The following ITGAX variants were observed in gnomAD, a reference collection of about 807,000 sequenced individuals.
ITGAX encodes the protein integrin subunit alpha X.
A neutral mutation model predicts 140.2 loss-of-function variants in ITGAX; 99 were observed. The observed-to-expected ratio is 0.71, with a 90% confidence interval of 0.60 to 0.83. ITGAX has a LOEUF of 0.83. Among genes scored for constraint, ITGAX ranks in the 40% least tolerant of loss-of-function variants. ITGAX has a pLI of 0.00. For synonymous variants in ITGAX, 631 were observed against 600.4 expected (o/e 1.05, Z -0.75); for missense variants, 1,444 against 1,482.0 (o/e 0.97, Z 0.42).
chr16:31,357,007 C>T (rs1408250863), intron 3 of ITGAX, 24 bp from the exon 4 acceptor site: 2 of 1,589,122 alleles, frequency 1.3e-6, no homozygotes, highest in Non-Finnish European at 1.7e-6. Flanking sequence ...CCGAGAGTGA[C>T]CATGCACATA....
At chr16:31,376,744 T>A in intron 20 of ITGAX, 55 bp from the exon 21 acceptor site, 1 of 1,547,462 alleles carries the variant, frequency 6.5e-7, no homozygotes, top group South Asian at 1.1e-5. Context: ...GTAATTGGGT[T>A]TTTGCCATTG....
chr16:31,361,904 A>C lies in ITGAX; in HGVS notation c.1081A>C (p.Thr361Pro). The part of the protein sequence containing the change: ...MAQEGFSAVF[T>P]PDGPVLGAVG... ...ACAGGAGGGCTTCAGCGCTGTGTTC[A>C]CACCTGTGAGTGGGGCCCCTTAGGC... Residue 361 changes from threonine (T) to proline (P), a missense_variant, in exon 10 of 30, where the codon ACA becomes CCA. Coordinates refer to ENST00000268296, the MANE Select transcript of ITGAX (RefSeq NM_000887.5). 1 of 1,614,034 alleles carries C rather than the reference A, an allele frequency of 6.2e-7. No homozygotes were observed. The highest frequency in any genetic ancestry group is 8.5e-7 in the Non-Finnish European group (1 of 1,179,996).
chr16:31,372,234 T>C, intron 17 of ITGAX, 144 bp from the exon 18 acceptor site: 1 of 902,772 alleles, frequency 1.1e-6, no homozygotes, highest in Non-Finnish European at 1.7e-6. Flanking sequence ...GGAGGCCTCC[T>C]GAAGGCGGTG....
At chr16:31,378,262 G>A (rs1033535956) in intron 23 of ITGAX, among the ~76,000 whole-genome samples, 32 of 152,142 alleles carry the variant, frequency 2.1e-4, no homozygotes, top group Admixed American at 4.6e-4. Flanking sequence ...GGTCAACAGC[G>A]TCAGCCTGGG....
At chr16:31,371,816 G>A (rs368319553) in intron 17 of ITGAX, 32 bp downstream of exon 17, 71 of 1,607,860 alleles carry the variant, frequency 4.4e-5, no homozygotes, top group African/African-American at 2.9e-4. Context: ...GGTGGCGGCC[G>A]CGCTGGGGCT....
At chr16:31,372,572 A>T in intron 18 of ITGAX, 25 bp from the exon 19 acceptor site, 1 of 1,613,670 alleles carries the variant, frequency 6.2e-7, no homozygotes, top group Non-Finnish European at 8.5e-7. Flanking sequence ...TCTCGGAGAA[A>T]ACCCCCCGTT....
chr16:31,371,511 C>T lies in ITGAX; in HGVS notation c.2005+14C>T, dbSNP rs201987902. ...TGCTTGGGAGCCGTGAGTCCCCTCC[C>T]CTCCAACCCAGGACACCCTGACCTC... On this transcript the variant is annotated intron_variant, in intron 16 of 29. Transcript: ENST00000268296. The T allele has an allele frequency of 9.4e-4, 1,517 of 1,613,238 alleles. No individual in the cohort carries two copies. Among genetic ancestry groups the T allele is most frequent in the Non-Finnish European group, 1.2e-3 (1,381 of 1,179,284 alleles).
At chr16:31,377,909 C>T (rs1022110999) in intron 23 of ITGAX, among the ~76,000 whole-genome samples, 1 of 152,142 alleles carries the variant, frequency 6.6e-6, no homozygotes, top group Non-Finnish European at 1.5e-5. Flanking sequence ...TATAGTGAGA[C>T]CCTAGCTCTA....
chr16:31,356,277 TTTTC>T (rs2080759098), intron 2 of ITGAX: 2 of 436,174 alleles, frequency 4.6e-6, no homozygotes, highest in Non-Finnish European at 4.1e-6. Flanking sequence ...CTTATTTGTT[TTTTC>T]TTTCTTTTTT....
Position 31,362,604 on chromosome 16 carries a change from C to G in ITGAX, c.1217-7C>G. The G allele has an allele frequency of 6.2e-7, 1 of 1,609,580 alleles. No homozygotes were observed. The stretch of plus-strand genomic sequence containing the variant: ...GGGGCCTTTGTGCTGAGGCCTGGGC[C>G]CCTCAGGTTACTCCACCGAGCTGGC... On this transcript the variant is annotated splice_polypyrimidine_tract_variant and splice_region_variant and intron_variant, in intron 11 of 29. Coordinates refer to ENST00000268296, the MANE Select transcript of ITGAX (RefSeq NM_000887.5).
Position 31,382,056 on chromosome 16 carries a change from T to A in ITGAX, c.*149T>A. On this transcript the variant is annotated 3_prime_UTR_variant, in exon 30 of 30. Coordinates refer to ENST00000268296, the MANE Select transcript of ITGAX (RefSeq NM_000887.5). ...TGTCTTTGGGAGAAAACGTCTTGCT[T>A]GGGAAGGGGCCTTTGTCTTGTCAAG... 1 of 1,440,902 alleles carries A rather than the reference T, an allele frequency of 6.9e-7. No homozygotes were observed. The highest frequency in any genetic ancestry group is 2.6e-4 in the Middle Eastern group (1 of 3,902). The allele number at this position is 1,440,902 out of a possible 1,614,324, so 89.3% of individuals were successfully genotyped here.
chr16:31,355,331 G>A, intron 1 of ITGAX, 40 bp downstream of exon 1: 1 of 1,609,820 alleles, frequency 6.2e-7, no homozygotes, highest in Non-Finnish European at 8.5e-7. Context: ...GGGGACCCAG[G>A]CCCAAGGGAG....
chr16:31,381,364 A>G (rs1013201030), intron 29 of ITGAX, among the ~76,000 whole-genome samples: 10 of 152,056 alleles, frequency 6.6e-5, no homozygotes, highest in Non-Finnish European at 1.5e-5. Context: ...TTGATTTCTC[A>G]ATGTGAAGGT....
At chr16:31,369,302 C>A (rs1387861401) in intron 14 of ITGAX, among the ~76,000 whole-genome samples, 3 of 131,082 alleles carry the variant, frequency 2.3e-5, no homozygotes, top group East Asian at 2.2e-4. Flanking sequence ...CCCCCCCCCA[C>A]CTCCCTCCCG....
At position 31,372,362 on chromosome 16, in the gene ITGAX, G is replaced by T; in HGVS notation, c.2161-16G>T. On this transcript the variant is annotated splice_polypyrimidine_tract_variant and intron_variant, in intron 17 of 29. Transcript: ENST00000268296. ...CCTCCCCTTACCCTCCGCTCCCCGC[G>T]ACGCCCGTCCCCCAGAGCTGCGTGG... 1 of 1,589,912 alleles carries T rather than the reference G, an allele frequency of 6.3e-7. No homozygotes were observed. The highest frequency in any genetic ancestry group is 1.1e-5 in the South Asian group (1 of 87,794).
intron 8 of ITGAX, 24 bp from the exon 9 acceptor site, chr16:31,361,039 T>C (rs1425114126): frequency 6.2e-7 from 1 of 1,607,322 alleles, no homozygotes; most frequent in Non-Finnish European, 8.5e-7. Context: ...TTATTTTTAC[T>C]GAGTTGATCT....
intron 23 of ITGAX, among the ~76,000 whole-genome samples, chr16:31,379,231 C>T (rs966420637): frequency 2.6e-5 from 4 of 152,092 alleles, no homozygotes; most frequent in African/African-American, 9.7e-5. Flanking sequence ...ATTCTCCTGT[C>T]TCAGCCTCCT....
At position 31,363,085 on chromosome 16, in the gene ITGAX, T is replaced by C. The variant is rs779649871; in HGVS notation, c.1500+10T>C. ...TCCCTTGCCCAGGGGGGTGAGTGGC[T>C]GATGGGCCTGGGGTGGGTGGGGTCT... On this transcript the variant is annotated intron_variant, in intron 13 of 29. Coordinates refer to ENST00000268296, the MANE Select transcript of ITGAX (RefSeq NM_000887.5). 1.3e-6 allele frequency: 2 copies of C among 1,582,920 alleles called. No homozygotes were observed. The highest frequency in any genetic ancestry group is 3.6e-5 in the Admixed American group (2 of 56,310).
At chr16:31,370,802 G>A (rs1457814030) in intron 14 of ITGAX, among the ~76,000 whole-genome samples, 3 of 152,252 alleles carry the variant, frequency 2.0e-5, no homozygotes, top group South Asian at 4.1e-4. Context: ...CCACGGCCTC[G>A]TGGCTCATAC....
Sources: gnomAD v4.1 joint callset for allele counts (sites outside exome capture counted in the v4.1 genomes callset) on GRCh38, gnomAD v4.1.1 for gene constraint, MANE v1.5 for transcripts, NCBI Gene and HGNC (gene_info 2026-07-23, HGNC 2026-07-21) for gene names.